OCA2: variants seen among roughly 807,000 people sequenced by gnomAD.
OCA2 encodes the protein P protein.
In OCA2, 77 loss-of-function variants were observed where a neutral mutation model predicts 100.2. The observed-to-expected ratio is 0.77, with a 90% confidence interval of 0.64 to 0.93. The LOEUF is 0.93. Ranked by LOEUF, OCA2 falls within the 40% of genes least tolerant of loss-of-function variation. OCA2 has a pLI of 0.00. For missense variants in OCA2, 1,062 were observed against 1,089.1 expected (o/e 0.98, Z 0.35); for synonymous variants, 432 against 439.2 (o/e 0.98, Z 0.21).
intron 11 of OCA2, 21 bp from the exon 12 acceptor site, chr15:27,986,664 C>T (rs1299571531): frequency 2.7e-6 from 4 of 1,470,402 alleles, no homozygotes; most frequent in Non-Finnish European, 3.8e-6. Context: ...AAGAAGAAGA[C>T]AAGGATAATC....
chr15:27,797,626 A>T (rs1395279641), intron 23 of OCA2, among the ~76,000 whole-genome samples: 2 of 152,230 alleles, frequency 1.3e-5, no homozygotes, highest in South Asian at 4.1e-4. Context: ...GTCTAGGACA[A>T]AAATGAATAG....
At chr15:27,987,748 G>T (rs921848081) in intron 11 of OCA2, among the ~76,000 whole-genome samples, 2 of 151,772 alleles carry the variant, frequency 1.3e-5, no homozygotes, top group Admixed American at 6.6e-5. Context: ...GTCCGAACTT[G>T]AACAAAAATA....
intron 23 of OCA2, among the ~76,000 whole-genome samples, chr15:27,772,338 CT>C (rs1233366701): frequency 1.3e-5 from 2 of 152,138 alleles, no homozygotes; most frequent in African/African-American, 4.8e-5. Flanking sequence ...ACTACTATTA[CT>C]TTTTTAATTT....
chr15:28,049,654 T>C (rs1007228787), intron 2 of OCA2, among the ~76,000 whole-genome samples: 5 of 152,218 alleles, frequency 3.3e-5, no homozygotes, highest in African/African-American at 1.2e-4. Context: ...TTCTGACACA[T>C]GCCGAATATG....
chr15:28,018,430 G>C lies in OCA2; in HGVS notation c.774C>G (p.Asp258Glu), dbSNP rs757789602. Residue 258 changes from aspartate to glutamate, a missense_variant, in exon 7 of 24, where the codon GAC becomes GAG. By Grantham distance (45) the Asp-to-Glu change is conservative (BLOSUM62 2). Transcript: ENST00000354638. ...EHIVVELTQA[D>E]ALGSRWRRPQ... ...GCCGCCGCCACCTGGAGCCCAAAGC[G>C]TCAGCCTGGGTCAGCTCCACCACGA... 2.5e-6 allele frequency: 4 copies of C among 1,613,980 alleles called. No homozygotes were observed. In the African/African-American group the frequency reaches 4.0e-5, roughly 16 times the overall value.
intron 23 of OCA2, among the ~76,000 whole-genome samples, chr15:27,815,164 C>G (rs887667808): frequency 1.3e-5 from 2 of 152,104 alleles, no homozygotes; most frequent in African/African-American, 2.4e-5. Flanking sequence ...ATGATTTTAA[C>G]TAAATGGACG....
chr15:28,055,794 C>G (rs539992374), intron 2 of OCA2, among the ~76,000 whole-genome samples: 34 of 152,328 alleles, frequency 2.2e-4, no homozygotes, highest in African/African-American at 7.5e-4. Context: ...TCCCCCACCC[C>G]TAGGTGCCTG....
At chr15:27,764,931 G>C (rs939043471) in intron 23 of OCA2, among the ~76,000 whole-genome samples, 7 of 152,238 alleles carry the variant, frequency 4.6e-5, no homozygotes, top group African/African-American at 1.7e-4. Context: ...CTAAGGATAC[G>C]TGTAGCTATT....
chr15:27,893,693 G>A (rs1350220685), intron 19 of OCA2, among the ~76,000 whole-genome samples: 1 of 152,024 alleles, frequency 6.6e-6, no homozygotes, highest in Non-Finnish European at 1.5e-5. Flanking sequence ...ACTAGGGTGG[G>A]GAAAAACTCC....
At chr15:28,039,373 G>A (rs986548163) in intron 2 of OCA2, among the ~76,000 whole-genome samples, 4 of 152,086 alleles carry the variant, frequency 2.6e-5, no homozygotes, top group South Asian at 2.1e-4. Context: ...CACATGAAAC[G>A]TTTTCCAGAA....
chr15:28,023,338 G>A (rs1040393256), intron 5 of OCA2, among the ~76,000 whole-genome samples: 3 of 152,170 alleles, frequency 2.0e-5, no homozygotes, highest in African/African-American at 7.2e-5. Context: ...TCATGGGTTG[G>A]TTATTAAGAA....
chr15:27,951,993 A>T (rs2040047296), intron 17 of OCA2, 101 bp from the exon 18 acceptor site: 1 of 843,262 alleles, frequency 1.2e-6, no homozygotes, highest in Non-Finnish European at 2.0e-6. Context: ...TTTCACGAGG[A>T]TGAAAAATGT....
chr15:27,856,309 G>A (rs982380500), intron 21 of OCA2, among the ~76,000 whole-genome samples: 1 of 152,132 alleles, frequency 6.6e-6, no homozygotes, highest in South Asian at 2.1e-4. Context: ...TATGTTTTGG[G>A]GAGACAATTC....
chr15:27,739,404 A>G, the OCA2 span, among the ~76,000 whole-genome samples: 1 of 149,302 alleles, frequency 6.7e-6, no homozygotes, highest in South Asian at 2.2e-4. Flanking sequence ...CCTGCTGATC[A>G]TTACACTTAC....
At chr15:27,825,275 T>C (rs1036696248) in intron 23 of OCA2, among the ~76,000 whole-genome samples, 1 of 152,172 alleles carries the variant, frequency 6.6e-6, no homozygotes, top group Non-Finnish European at 1.5e-5. Context: ...TGTTGTGTGC[T>C]GCTGTGTGCC....
chr15:27,973,032 T>C (rs1205557103), intron 14 of OCA2, among the ~76,000 whole-genome samples: 2 of 151,296 alleles, frequency 1.3e-5, no homozygotes, highest in Non-Finnish European at 1.5e-5. Flanking sequence ...CGCCCAGCTA[T>C]TTTTTTATTT....
chr15:28,002,415 G>GC, intron 9 of OCA2, among the ~76,000 whole-genome samples: 1 of 152,168 alleles, frequency 6.6e-6, no homozygotes, highest in Non-Finnish European at 1.5e-5. Context: ...GGGCTATGGT[G>GC]AGTGCCCTAC....
chr15:27,883,045 G>C (rs1452089746), intron 19 of OCA2, among the ~76,000 whole-genome samples: 1 of 152,168 alleles, frequency 6.6e-6, no homozygotes, highest in Non-Finnish European at 1.5e-5. Flanking sequence ...TGAGGCTAGT[G>C]CAAGTTCATG....
chr15:28,060,714 G>C (rs1241980996), intron 2 of OCA2, among the ~76,000 whole-genome samples: 1 of 152,212 alleles, frequency 6.6e-6, no homozygotes, highest in African/African-American at 2.4e-5. Context: ...ATTTTAACTT[G>C]CTCTACTGCC....
Sources: gnomAD v4.1 joint callset for allele counts (sites outside exome capture counted in the v4.1 genomes callset) on GRCh38, gnomAD v4.1.1 for gene constraint, MANE v1.5 for transcripts, NCBI Gene and HGNC (gene_info 2026-07-23, HGNC 2026-07-21) for gene names.